FAM178B: variants seen among roughly 807,000 people sequenced by gnomAD.
The protein encoded by FAM178B is family with sequence similarity 178 member B, also known as protein FAM178B.
A neutral mutation model predicts 91.7 loss-of-function variants in FAM178B; 82 were observed. That is an observed-to-expected ratio of 0.89 (90% CI 0.75 to 1.07). The LOEUF is 1.07. Ranked by LOEUF, FAM178B falls within the 50% of genes least tolerant of loss-of-function variation. The pLI, the probability that FAM178B is intolerant of heterozygous loss-of-function variation, is 0.00. For synonymous variants in FAM178B, 368 were observed against 359.4 expected, an observed-to-expected ratio of 1.02 and a Z score of -0.27; for missense variants, 769 against 846.7, an observed-to-expected ratio of 0.91 and a Z score of 1.14.
chr2:96,979,840 C>T (rs2082338749), intron 1 of FAM178B, among the ~76,000 whole-genome samples: 1 of 152,142 alleles, frequency 6.6e-6, no homozygotes, highest in Non-Finnish European at 1.5e-5. Context: ...TGACGTGAGT[C>T]GGGATTGCAC....
Position 96,893,957 on chromosome 2 carries a change from T to A in FAM178B, c.1745A>T (p.Gln582Leu). The A allele has an allele frequency of 6.2e-6, 10 of 1,613,000 alleles. No homozygotes were observed. The highest frequency in any genetic ancestry group is 8.5e-6 in the Non-Finnish European group (10 of 1,179,634). Reference protein sequence around the residue: ...SVPLPPCQEQQPKASAELDHK... With the variant: ...SVPLPPCQEQLPKASAELDHK... ...GTCTAGCTCGGCACTAGCCTTTGGC[T>A]GTTGCTCCTGGCAGGGTGGCAAGGG... is the stretch of plus-strand genomic sequence containing the variant. Residue 582 changes from glutamine (Q) to leucine (L), a missense_variant, in exon 14 of 17, where the codon CAG becomes CTG. Physicochemically the swap from Gln to Leu is moderately radical, Grantham distance 113 (BLOSUM62 -2). Transcript: ENST00000490605.
chr2:96,901,169 CTTTTTTCTT>C (rs1389675732), intron 13 of FAM178B, among the ~76,000 whole-genome samples: 2 of 140,330 alleles, frequency 1.4e-5, no homozygotes, highest in African/African-American at 5.9e-5. Flanking sequence ...AGGCTGAATT[CTTTTTTCTT>C]TTTTTTTTTT....
At chr2:96,911,778 G>A (rs534330338) in intron 12 of FAM178B, among the ~76,000 whole-genome samples, 1 of 152,236 alleles carries the variant, frequency 6.6e-6, no homozygotes, top group African/African-American at 2.4e-5. Flanking sequence ...CCAGGGCACC[G>A]AATCTGTCCA....
intron 10 of FAM178B, among the ~76,000 whole-genome samples, 192 bp from the exon 11 acceptor site, chr2:96,921,846 T>C (rs2081346542): frequency 6.6e-6 from 1 of 152,074 alleles, no homozygotes; most frequent in African/African-American, 2.4e-5. Context: ...GTGGAGAGTG[T>C]GCTTGTCAGA....
In FAM178B at chr2:96,978,892, T is replaced by G. The variant is rs188096591; in HGVS notation, c.74-6286A>C. 9.0e-3 allele frequency among the ~76,000 whole-genome samples: 1,370 copies of G among 151,618 alleles called. 33 individuals are homozygous for G. Among genetic ancestry groups the G allele is most frequent in the African/African-American group, 0.031 (1,292 of 41,356 alleles). On this transcript the variant is annotated intron_variant, in intron 1 of 16. Transcript: ENST00000490605. ...CGCCCGCCTCGGCCTCTCAAAGTGC[T>G]GGGATTACAGGTGTGAGCCACTGCA...
chr2:96,898,630 G>A (rs2080867548), intron 13 of FAM178B, among the ~76,000 whole-genome samples: 1 of 152,176 alleles, frequency 6.6e-6, no homozygotes, highest in African/African-American at 2.4e-5. Context: ...CTCCAGCCTG[G>A]GAAAGTGAGA....
rs117630613 is a variant in FAM178B, at chr2:96,898,283, G to A, written c.1651-4232C>T. The A allele has an allele frequency of 8.6e-4, 196 of 227,630 alleles. 7 individuals carry two copies. In the East Asian group the frequency reaches 0.03, roughly 35 times the overall value. 14.1% of individuals were successfully genotyped at this position (227,630 alleles called of 1,614,324 possible). ...CACTTCACCATGAAGTGGCGGGTGT[G>A]GTCCAGGATGTCCAGAGGCAAGGAG... On this transcript the variant is annotated intron_variant, in intron 13 of 16. Transcript: ENST00000490605.
chr2:96,946,491 G>T (rs2081831172), intron 8 of FAM178B, among the ~76,000 whole-genome samples: 1 of 152,190 alleles, frequency 6.6e-6, no homozygotes, highest in Non-Finnish European at 1.5e-5. Context: ...GCCAGTCCCT[G>T]GTCCCCTGGG....
At chr2:96,923,454 G>T in intron 10 of FAM178B, 36 bp downstream of exon 10, 1 of 1,484,902 alleles carries the variant, frequency 6.7e-7, no homozygotes, top group South Asian at 1.2e-5. Flanking sequence ...ACTGTAAGCC[G>T]AGAGTGCCCT....
chr2:96,890,029 A>G (rs2080632536), intron 14 of FAM178B, among the ~76,000 whole-genome samples: 2 of 151,062 alleles, frequency 1.3e-5, no homozygotes, highest in Non-Finnish European at 2.9e-5. Context: ...TAATCCTAGC[A>G]CTTTGGGAGG....
At chr2:96,925,255 T>C (rs535237041) in intron 9 of FAM178B, among the ~76,000 whole-genome samples, 3 of 151,974 alleles carry the variant, frequency 2.0e-5, no homozygotes, top group African/African-American at 2.4e-5. Flanking sequence ...AGAAGGAACA[T>C]TGAAGGTGTG....
chr2:96,938,479 T>C (rs1221829602), intron 8 of FAM178B, among the ~76,000 whole-genome samples: 3 of 152,166 alleles, frequency 2.0e-5, no homozygotes, highest in Non-Finnish European at 4.4e-5. Flanking sequence ...GGCTTGAAGC[T>C]GGAGGACCAG....
intron 9 of FAM178B, among the ~76,000 whole-genome samples, chr2:96,925,774 C>T (rs1260121521): frequency 6.6e-6 from 1 of 152,164 alleles, no homozygotes; most frequent in Non-Finnish European, 1.5e-5. Flanking sequence ...TGGCCTCTAC[C>T]CAGGTCTCCG....
intron 14 of FAM178B, among the ~76,000 whole-genome samples, chr2:96,882,520 C>T (rs1365964021): frequency 1.3e-5 from 2 of 152,204 alleles, no homozygotes; most frequent in Non-Finnish European, 2.9e-5. Context: ...GTGACCAATT[C>T]CTGAACTTAG....
At chr2:96,902,052 A>C (rs1467980609) in intron 13 of FAM178B, among the ~76,000 whole-genome samples, 1 of 151,808 alleles carries the variant, frequency 6.6e-6, no homozygotes, top group Non-Finnish European at 1.5e-5. Context: ...CGCCCACCTC[A>C]GCCTCCCAAA....
intron 12 of FAM178B, among the ~76,000 whole-genome samples, chr2:96,913,732 C>A (rs781162922): frequency 2.6e-5 from 4 of 152,152 alleles, no homozygotes; most frequent in Non-Finnish European, 5.9e-5. Flanking sequence ...CTGGGGTGCT[C>A]CAGAATTCAC....
In FAM178B at chr2:96,960,359, A is replaced by AC; in HGVS notation, c.815dup (p.Cys272TrpfsTer49). 1.3e-6 allele frequency: 2 copies of AC among 1,551,792 alleles called. No individual in the cohort carries two copies. Among genetic ancestry groups the AC allele is most frequent in the Non-Finnish European group, 1.7e-6 (2 of 1,147,020 alleles). Reference sequence around the variant, plus strand: ...AGTCCAGGATGCATGGCAGGGGGTGACACCTGGGCAGAAACACAGTCTCAC... The same window carrying AC: ...AGTCCAGGATGCATGGCAGGGGGTGACCACCTGGGCAGAAACACAGTCTCAC... On this transcript the variant is annotated frameshift_variant, in exon 6 of 17. Coordinates refer to ENST00000490605, the MANE Select transcript of FAM178B (RefSeq NM_001122646.3). LOFTEE classifies it high-confidence loss of function.
In FAM178B at chr2:96,893,987, G is replaced by A. The variant is rs1168238595; in HGVS notation, c.1715C>T (p.Ser572Phe). 1.2e-6 allele frequency: 2 copies of A among 1,612,830 alleles called. No individual in the cohort carries two copies. Among genetic ancestry groups the A allele is most frequent in the East Asian group, 2.2e-5 (1 of 44,854 alleles). ...RPSSLRQYLDSVPLPPCQEQQ... is the reference protein window; with the variant it reads ...RPSSLRQYLDFVPLPPCQEQQ... Reference sequence around the variant, plus strand: ...CTCCTGGCAGGGTGGCAAGGGCACAGAGTCCAGGTATTGCCTGAGAGATGA... The same window carrying A: ...CTCCTGGCAGGGTGGCAAGGGCACAAAGTCCAGGTATTGCCTGAGAGATGA... The change falls in exon 14 of 17, where the codon TCT becomes TTT. Residue 572 changes from serine (S) to phenylalanine (F), a missense_variant. Ser to Phe is a radical substitution (Grantham distance 155). Transcript: ENST00000490605.
intron 14 of FAM178B, among the ~76,000 whole-genome samples, chr2:96,879,547 C>G (rs1420809695): frequency 6.6e-6 from 1 of 152,260 alleles, no homozygotes; most frequent in Non-Finnish European, 1.5e-5. Context: ...GTACCATCAA[C>G]TGACTTCTTA....
Sources: gnomAD v4.1 joint callset for allele counts (sites outside exome capture counted in the v4.1 genomes callset) on GRCh38, gnomAD v4.1.1 for gene constraint, MANE v1.5 for transcripts, NCBI Gene and HGNC (gene_info 2026-07-23, HGNC 2026-07-21) for gene names.